The following POU6F2 variants were observed in gnomAD, a reference collection of about 807,000 sequenced individuals.
POU6F2 encodes the protein POU domain, class 6, transcription factor 2.
In POU6F2, 31 loss-of-function variants were observed where a neutral mutation model predicts 71.3. That is an observed-to-expected ratio of 0.43 (90% confidence interval 0.33 to 0.59). The LOEUF (loss-of-function observed/expected upper bound fraction) is 0.59, where lower values mean the gene tolerates loss of function less well. Ranked by LOEUF, POU6F2 falls within the 20% of genes least tolerant of loss-of-function variation. The pLI is 0.04. For missense variants in POU6F2, 783 were observed against 856.8 expected (o/e 0.91, Z 1.07); for synonymous variants, 347 against 355.7 (o/e 0.98, Z 0.27).
chr7:38,985,992 G>GA (rs1286636772), intron 1 of POU6F2, among the ~76,000 whole-genome samples: 1 of 151,904 alleles, frequency 6.6e-6, no homozygotes, highest in Non-Finnish European at 1.5e-5. Context: ...TCCTAGTGAC[G>GA]AAAGAATTTA....
chr7:39,235,679 GT>G (rs1401028935), intron 4 of POU6F2, among the ~76,000 whole-genome samples: 4 of 152,172 alleles, frequency 2.6e-5, no homozygotes, highest in African/African-American at 9.7e-5. Context: ...TAGAATAGCT[GT>G]CACCTAGGCG....
intron 1 of POU6F2, among the ~76,000 whole-genome samples, chr7:39,059,672 C>T (rs1210896401): frequency 6.6e-6 from 1 of 152,010 alleles, no homozygotes; most frequent in East Asian, 1.9e-4. Context: ...AAATGATATT[C>T]CTAAATCTAT....
intron 2 of POU6F2, among the ~76,000 whole-genome samples, chr7:39,186,701 C>G (rs1290455710): frequency 6.6e-6 from 1 of 152,172 alleles, no homozygotes; most frequent in Non-Finnish European, 1.5e-5. Flanking sequence ...GTCCTGAGCT[C>G]TATGTCCCTT....
intron 2 of POU6F2, among the ~76,000 whole-genome samples, chr7:39,165,185 C>T (rs952812665): frequency 6.6e-6 from 1 of 152,154 alleles, no homozygotes; most frequent in Admixed American, 6.5e-5. Flanking sequence ...TAAAAGGCAA[C>T]TACACTCCCC....
Position 39,372,268 on chromosome 7 carries a change from C to T in POU6F2, c.972+32253C>T, listed in dbSNP as rs147895504. ...TATAAAGAGAGAAAACAAATTTCCACAAAATTTTTATTGATGAAACTCATA... is the reference window on the plus strand; with the variant it reads ...TATAAAGAGAGAAAACAAATTTCCATAAAATTTTTATTGATGAAACTCATA... On this transcript the variant is annotated intron_variant, in intron 5 of 9. Transcript: ENST00000518318. Among the ~76,000 whole-genome samples the T allele has an allele frequency of 3.4e-3, 514 of 152,108 alleles. 3 individuals are homozygous for T. Among genetic ancestry groups the T allele is most frequent in the African/African-American group, 0.012 (494 of 41,484 alleles).
chr7:39,315,848 G>A (rs957101145), intron 4 of POU6F2, among the ~76,000 whole-genome samples: 18 of 152,224 alleles, frequency 1.2e-4, no homozygotes, highest in African/African-American at 4.1e-4. Flanking sequence ...CCCATGTGGA[G>A]TGACGAATTT....
At chr7:39,210,524 A>G (rs1794120495) in intron 4 of POU6F2, among the ~76,000 whole-genome samples, 1 of 152,160 alleles carries the variant, frequency 6.6e-6, no homozygotes. Flanking sequence ...TACATCCCCT[A>G]TCAAGTCACA....
intron 2 of POU6F2, among the ~76,000 whole-genome samples, chr7:39,119,369 A>G (rs888532558): frequency 5.9e-5 from 9 of 152,264 alleles, no homozygotes; most frequent in African/African-American, 1.9e-4. Flanking sequence ...ATAATTAAAT[A>G]TCACTGTACA....
rs1417201499 is a variant in POU6F2 at position 39,206,954 on chromosome 7, A to C, written c.370-438A>C. On this transcript the variant is annotated intron_variant, in intron 3 of 9. Transcript: ENST00000518318. ...AATACAGACTTTCCAGCATTGAGTA[A>C]ATTTTCTACATTATTTTTGTTAATT... 1.3e-5 allele frequency among the ~76,000 whole-genome samples: 2 copies of C among 152,292 alleles called. 1 individual carries two copies. The highest frequency in any genetic ancestry group is 4.1e-4 in the South Asian group (2 of 4,822).
At chr7:39,373,174 C>CA (rs1176085673) in intron 5 of POU6F2, among the ~76,000 whole-genome samples, 11 of 152,132 alleles carry the variant, frequency 7.2e-5, no homozygotes, top group African/African-American at 2.7e-4. Flanking sequence ...GTTCTTAGAA[C>CA]AATGCCTGAC....
At chr7:39,250,791 C>T (rs1783901169) in intron 4 of POU6F2, among the ~76,000 whole-genome samples, 1 of 152,250 alleles carries the variant, frequency 6.6e-6, no homozygotes, top group African/African-American at 2.4e-5. Flanking sequence ...GTTGAATTGG[C>T]CTGAGGGAAA....
At chr7:39,065,806 AAAAG>A (rs1331053929) in intron 1 of POU6F2, among the ~76,000 whole-genome samples, 2 of 151,718 alleles carry the variant, frequency 1.3e-5, no homozygotes, top group Non-Finnish European at 3.0e-5. Context: ...TCCAAGAGGA[AAAAG>A]AAAGAAAATA....
chr7:38,998,079 C>A (rs760635030), intron 1 of POU6F2, among the ~76,000 whole-genome samples: 7 of 152,112 alleles, frequency 4.6e-5, no homozygotes, highest in Non-Finnish European at 4.4e-5. Context: ...TTGCAAAATT[C>A]TTTTTATATG....
At chr7:39,224,924 T>C (rs1189828760) in intron 4 of POU6F2, among the ~76,000 whole-genome samples, 1 of 152,210 alleles carries the variant, frequency 6.6e-6, no homozygotes, top group East Asian at 1.9e-4. Context: ...GCCTCTTGAA[T>C]GTTCCAGAAT....
intron 4 of POU6F2, among the ~76,000 whole-genome samples, chr7:39,250,459 G>A (rs1416552601): frequency 6.6e-6 from 1 of 152,128 alleles, no homozygotes; most frequent in Non-Finnish European, 1.5e-5. Flanking sequence ...TGATACACAG[G>A]TACAAGGAAA....
chr7:39,071,698 C>G (rs1157666646), intron 1 of POU6F2, among the ~76,000 whole-genome samples: 2 of 138,668 alleles, frequency 1.4e-5, no homozygotes, highest in Non-Finnish European at 3.1e-5. Context: ...CACACACACA[C>G]AATATCAAAG....
At chr7:39,325,011 C>A (rs1341175490) in intron 4 of POU6F2, among the ~76,000 whole-genome samples, 1 of 151,984 alleles carries the variant, frequency 6.6e-6, no homozygotes, top group Non-Finnish European at 1.5e-5. Context: ...CTAAAGAATT[C>A]TATTGTAGAG....
intron 2 of POU6F2, among the ~76,000 whole-genome samples, chr7:39,140,249 C>A (rs1440860799): frequency 6.6e-6 from 1 of 152,194 alleles, no homozygotes; most frequent in Non-Finnish European, 1.5e-5. Context: ...CCCTCCACCT[C>A]CCAATTTTAG....
chr7:38,987,725 G>C (rs909845815), intron 1 of POU6F2, among the ~76,000 whole-genome samples: 1 of 152,206 alleles, frequency 6.6e-6, no homozygotes, highest in Non-Finnish European at 1.5e-5. Flanking sequence ...TATGTTTTAC[G>C]TTTCTTTTAG....
Sources: allele counts gnomAD v4.1 joint callset (sites outside exome capture counted in the v4.1 genomes callset), GRCh38; gene constraint gnomAD v4.1.1; transcripts MANE v1.5; gene names NCBI Gene and HGNC (gene_info 2026-07-23, HGNC 2026-07-21).